Variants in TFAP2A observed in about 807,000 individuals in gnomAD.
The protein encoded by TFAP2A is transcription factor AP-2 alpha, also known as transcription factor AP-2-alpha.
A neutral mutation model predicts 41.5 loss-of-function variants in TFAP2A; 7 were observed. The observed-to-expected ratio is 0.17, with a 90% confidence interval of 0.10 to 0.32. The LOEUF (loss-of-function observed/expected upper bound fraction) is 0.32, where lower values mean the gene tolerates loss of function less well. Among genes scored for constraint, TFAP2A ranks in the 10% least tolerant of loss-of-function variants. The pLI, the probability that TFAP2A is intolerant of heterozygous loss-of-function variation, is 1.00. For synonymous variants in TFAP2A, 247 were observed against 242.8 expected, an observed-to-expected ratio of 1.02 and a Z score of -0.16; for missense variants, 416 against 563.3, an observed-to-expected ratio of 0.74 and a Z score of 2.65.
chr6:10,401,641 T>A (rs1022461193), intron 5 of TFAP2A, among the ~76,000 whole-genome samples: 17 of 152,226 alleles, frequency 1.1e-4, no homozygotes, highest in Non-Finnish European at 2.9e-5. Flanking sequence ...TACATGCTAG[T>A]TTTAAAATCT....
intron 5 of TFAP2A, among the ~76,000 whole-genome samples, chr6:10,401,740 C>T (rs775806173): frequency 3.3e-5 from 5 of 152,142 alleles, no homozygotes; most frequent in African/African-American, 7.2e-5. Flanking sequence ...GCTATAGATT[C>T]ATTCCAGTAC....
At chr6:10,404,845 C>G (rs1757631265) in intron 3 of TFAP2A, 106 bp from the exon 4 acceptor site, 3 of 980,710 alleles carry the variant, frequency 3.1e-6, no homozygotes, top group Non-Finnish European at 4.7e-6. Context: ...AGGCTTTGGG[C>G]CACAGTCCCC....
intron 1 of TFAP2A, chr6:10,414,654 C>G (rs1758166175): frequency 1.7e-6 from 1 of 573,660 alleles, no homozygotes; most frequent in East Asian, 3.0e-5. Flanking sequence ...TTCAAAAGCC[C>G]ATGTTCTTCT....
rs563205489 is a variant in TFAP2A, at chr6:10,402,942, A to G, written c.771-332T>C. Among the ~76,000 whole-genome samples the G allele has an allele frequency of 8.5e-5, 13 of 152,362 alleles. No individual in the cohort carries two copies. The East Asian group carries it at 2.5e-3, about 29-fold the overall frequency. Reference sequence around the variant, plus strand: ...GGTATTGAGTTCAACTGATTCCTGTATATTTTCTCTGCTGTTACAATCACA... The same window carrying G: ...GGTATTGAGTTCAACTGATTCCTGTGTATTTTCTCTGCTGTTACAATCACA... On this transcript the variant is annotated intron_variant, in intron 4 of 6. Transcript: ENST00000379613.
intron 2 of TFAP2A, among the ~76,000 whole-genome samples, chr6:10,408,767 C>T (rs1757825337): frequency 6.6e-6 from 1 of 152,204 alleles, no homozygotes; most frequent in South Asian, 2.1e-4. Context: ...AATAAATTTT[C>T]TATTTTCCTA....
At chr6:10,399,440 C>T (rs929306262) in intron 6 of TFAP2A, among the ~76,000 whole-genome samples, 3 of 152,172 alleles carry the variant, frequency 2.0e-5, no homozygotes, top group Non-Finnish European at 2.9e-5. Context: ...GGTGTGCTTA[C>T]GAAGCCTGGG....
intron 1 of TFAP2A, among the ~76,000 whole-genome samples, chr6:10,413,303 A>C (rs1758084254): frequency 6.6e-6 from 1 of 152,092 alleles, no homozygotes; most frequent in Non-Finnish European, 1.5e-5. Context: ...TTACACACGC[A>C]TTCACACTTG....
intron 6 of TFAP2A, 86 bp downstream of exon 6, chr6:10,400,362 A>G: frequency 1.3e-6 from 2 of 1,545,416 alleles, no homozygotes; most frequent in Non-Finnish European, 1.8e-6. Flanking sequence ...AAAGGAAAAC[A>G]AGGGAGAAGG....
At chr6:10,404,813 A>C (rs548526516) in intron 3 of TFAP2A, 74 bp from the exon 4 acceptor site, 1 of 1,405,190 alleles carries the variant, frequency 7.1e-7, no homozygotes, top group Non-Finnish European at 1.0e-6. Context: ...CCCGGCCCTC[A>C]TCCCGGCCAG....
Position 10,410,050 on chromosome 6 carries a change from G to C in TFAP2A, c.337C>G (p.His113Asp). The change falls in exon 2 of 7, where the codon CAC becomes GAC. Residue 113 changes from histidine (H) to aspartate (D), a missense_variant. Around this residue, in one of 3 missense-constraint regions of TFAP2A, gnomAD observed 241 missense variants for 274.1 expected, o/e 0.88. Coordinates refer to ENST00000379613, the MANE Select transcript of TFAP2A (RefSeq NM_001372066.1). ...GACAGCTGGTGAGGCAGCCCCCGGTGCGTGTGCAGGAGCCCAGACTCCTGG... is the reference window on the plus strand; with the variant it reads ...GACAGCTGGTGAGGCAGCCCCCGGTCCGTGTGCAGGAGCCCAGACTCCTGG... ...QSQESGLLHT[H>D]RGLPHQLSGL... The C allele has an allele frequency of 6.2e-6, 10 of 1,612,852 alleles. No homozygotes were observed. The highest frequency in any genetic ancestry group is 8.5e-6 in the Non-Finnish European group (10 of 1,179,842).
Position 10,409,912 on chromosome 6 carries a change from C to T in TFAP2A, c.475G>A (p.Glu159Lys), listed in dbSNP as rs1001826033. ...GCGCGGCCTCTTACCGGGACCTCCT[C>T]GATGGCGTGAGGTAAGGAGTGGATC... ...LSIHSLPHAIEEVPHVEDPGI... is the reference protein window; with the variant it reads ...LSIHSLPHAIKEVPHVEDPGI... The change falls in exon 2 of 7, where the codon GAG becomes AAG. Residue 159 changes from glutamate to lysine, a missense_variant. Physicochemically the swap from Glu to Lys is moderately conservative, Grantham distance 56. Around this residue, in one of 3 missense-constraint regions of TFAP2A, gnomAD observed 241 missense variants for 274.1 expected, o/e 0.88. Coordinates refer to ENST00000379613, the MANE Select transcript of TFAP2A (RefSeq NM_001372066.1). The T allele has an allele frequency of 1.3e-6, 2 of 1,549,044 alleles. No homozygotes were observed. The highest frequency in any genetic ancestry group is 2.0e-5 in the Admixed American group (1 of 51,016).
At chr6:10,414,584 C>T in intron 1 of TFAP2A, 1 of 460,840 alleles carries the variant, frequency 2.2e-6, no homozygotes, top group Non-Finnish European at 4.0e-6. Flanking sequence ...CTTGGGCCCT[C>T]AATCTCGATG....
At position 10,404,681 on chromosome 6, in the gene TFAP2A, C is replaced by T. The variant is rs372587710; in HGVS notation, c.597G>A (p.Lys199=). ...SNAVSAIPIN[K]DNLFGGVVNP... ...TCACCACGCCGCCGAAGAGGTTGTC[C>T]TTGTTAATAGGGATGGCGGAGACGG... is the stretch of plus-strand genomic sequence containing the variant. The change falls in exon 4 of 7, where the codon AAG becomes AAA. Residue 199 remains lysine (K), a synonymous_variant. Coordinates refer to ENST00000379613, the MANE Select transcript of TFAP2A (RefSeq NM_001372066.1). 2.8e-5 allele frequency: 45 copies of T among 1,614,060 alleles called. No individual in the cohort carries two copies. The highest frequency in any genetic ancestry group is 3.8e-5 in the Non-Finnish European group (45 of 1,180,016).
upstream of TFAP2A, chr6:10,419,368 CTA>C: frequency 6.3e-7 from 1 of 1,598,364 alleles, no homozygotes; most frequent in Admixed American, 1.7e-5. Flanking sequence ...GCCCCCTCCC[CTA>C]CTCCACCCCT....
At chr6:10,411,955 T>C (rs1675414) in intron 1 of TFAP2A, 476,484 of 1,099,642 alleles carry the variant, frequency 0.43, 107,729 homozygotes, top group South Asian at 0.48. Context: ...TCTCCCCCTC[T>C]TTTCTTAGCG....
chr6:10,397,409 C>T lies in TFAP2A; in HGVS notation c.*1008G>A, dbSNP rs773868091. The T allele has an allele frequency of 6.6e-6, 1 of 152,046 alleles. No individual in the cohort carries two copies. Among genetic ancestry groups the T allele is most frequent in the Non-Finnish European group, 1.5e-5 (1 of 67,992 alleles). 9.4% of individuals were successfully genotyped at this position (152,046 alleles called of 1,614,324 possible). A position where few individuals can be genotyped will look rare whatever the true frequency, so the allele number is the denominator to read the frequency against. ...AAAATCTTTCCAGGGTCCAATATCA[C>T]TTTTTTTCTTTCGGTTCAATGAAAA... On this transcript the variant is annotated 3_prime_UTR_variant, in exon 7 of 7. Coordinates refer to ENST00000379613, the MANE Select transcript of TFAP2A (RefSeq NM_001372066.1).
chr6:10,415,139 G>A (rs1758192727), upstream of TFAP2A: 28 of 1,554,736 alleles, frequency 1.8e-5, no homozygotes, highest in South Asian at 3.2e-4. Context: ...AGGAGGGAGA[G>A]GAGGAGGGCA....
At chr6:10,400,829 C>G (rs1232374464) in intron 5 of TFAP2A, 2 of 670,560 alleles carry the variant, frequency 3.0e-6, no homozygotes, top group Non-Finnish European at 5.5e-6. Flanking sequence ...AAAATCTCAT[C>G]CACCAACCTC....
At chr6:10,416,593 G>C (rs1372374933), upstream of TFAP2A, 4 of 152,192 alleles carry the variant, frequency 2.6e-5, no homozygotes, top group Non-Finnish European at 5.9e-5. Flanking sequence ...CCTCAGAGTT[G>C]CTCTAGTAAG....
Sources: allele counts gnomAD v4.1 joint callset (sites outside exome capture counted in the v4.1 genomes callset), GRCh38; gene constraint gnomAD v4.1.1; regional missense constraint gnomAD v4.1.1; transcripts MANE v1.5; gene names NCBI Gene and HGNC (gene_info 2026-07-23, HGNC 2026-07-21).